RPS6KA2: variants seen among roughly 807,000 people sequenced by gnomAD.
RPS6KA2 encodes the protein ribosomal protein S6 kinase alpha-2.
A neutral mutation model predicts 91.8 loss-of-function variants in RPS6KA2; 42 were observed. The ratio of observed to expected loss-of-function variants is 0.46; its 90% confidence interval spans 0.36 to 0.59. The LOEUF (loss-of-function observed/expected upper bound fraction) is 0.59. Ranked by LOEUF, RPS6KA2 falls within the 20% of genes least tolerant of loss-of-function variation. RPS6KA2 has a pLI of 0.00. For synonymous variants in RPS6KA2, 414 were observed against 393.6 expected, an observed-to-expected ratio of 1.05 and a Z score of -0.61; for missense variants, 798 against 978.5, an observed-to-expected ratio of 0.82 and a Z score of 2.46.
Position 166,490,326 on chromosome 6 carries a change from C to T in RPS6KA2, c.818+345G>A, listed in dbSNP as rs1174799855. Reference sequence around the variant, plus strand: ...CCTTTACTTCTGGGAGGTCACCAACCATCACGCTTGAAAACCAGCCACTAC... The same window carrying T: ...CCTTTACTTCTGGGAGGTCACCAACTATCACGCTTGAAAACCAGCCACTAC... On this transcript the variant is annotated intron_variant, in intron 9 of 20. Coordinates refer to ENST00000265678, the MANE Select transcript of RPS6KA2 (RefSeq NM_021135.6). This position sits in a 1 kb window ranked among gnomAD's most constrained non-coding sequence, Gnocchi z 4.2. 6.6e-6 allele frequency among the ~76,000 whole-genome samples: 1 copy of T among 151,960 alleles called. No individual in the cohort carries two copies.
At chr6:166,454,229 G>A (rs1429393937) in intron 12 of RPS6KA2, among the ~76,000 whole-genome samples, 2 of 152,210 alleles carry the variant, frequency 1.3e-5, no homozygotes, top group Admixed American at 6.5e-5. Context: ...GCTGGGCGCG[G>A]TGGATCACAC....
rs376743221 is a variant in RPS6KA2 at position 166,541,942 on chromosome 6, G to A, written c.100-3158C>T. The stretch of plus-strand genomic sequence containing the variant: ...TTTCAAATCAGTAAGGTTTTTAACC[G>A]CAAAGCATCTGAGGCGTCAATGGAA... On this transcript the variant is annotated intron_variant, in intron 1 of 20. Transcript: ENST00000265678. Among the ~76,000 whole-genome samples the A allele has an allele frequency of 3.2e-4, 48 of 152,164 alleles. No individual in the cohort carries two copies. In the South Asian group the frequency reaches 7.0e-3, roughly 22 times the overall value.
At chr6:166,650,283 C>T (rs1213402455) in intron 2 of RPS6KA2, among the ~76,000 whole-genome samples, 2 of 152,078 alleles carry the variant, frequency 1.3e-5, no homozygotes, top group African/African-American at 4.8e-5. Context: ...AGCCTTTCAT[C>T]ACCACATTCT....
At chr6:166,462,476 T>C (rs1179184447) in intron 11 of RPS6KA2, among the ~76,000 whole-genome samples, 2 of 152,222 alleles carry the variant, frequency 1.3e-5, no homozygotes, top group East Asian at 1.9e-4. Flanking sequence ...GCACTGGTAC[T>C]GCTGTGACCT....
At chr6:166,483,397 C>T (rs990087134) in intron 10 of RPS6KA2, among the ~76,000 whole-genome samples, 5 of 152,216 alleles carry the variant, frequency 3.3e-5, no homozygotes, top group African/African-American at 1.2e-4. Flanking sequence ...GGATCCTGCT[C>T]TCACACATCC....
At chr6:166,761,075 C>A (rs1778155244) in intron 2 of RPS6KA2, among the ~76,000 whole-genome samples, 1 of 152,134 alleles carries the variant, frequency 6.6e-6, no homozygotes, top group Non-Finnish European at 1.5e-5. Flanking sequence ...GCCTTTTATT[C>A]ATTTCTGAGA....
intron 6 of RPS6KA2, among the ~76,000 whole-genome samples, chr6:166,502,700 C>G (rs1782067341): frequency 6.6e-6 from 1 of 152,194 alleles, no homozygotes; most frequent in South Asian, 2.1e-4. Context: ...GGTGACAGGC[C>G]AGGCTCTGCA....
intron 2 of RPS6KA2, among the ~76,000 whole-genome samples, chr6:166,735,267 G>A (rs937697062): frequency 1.3e-5 from 2 of 152,142 alleles, no homozygotes; most frequent in African/African-American, 4.8e-5. Flanking sequence ...CAAACAACGT[G>A]ACACAAAACA....
chr6:166,693,453 G>A (rs1351375482), intron 2 of RPS6KA2, among the ~76,000 whole-genome samples: 5 of 152,164 alleles, frequency 3.3e-5, no homozygotes, highest in Admixed American at 1.3e-4. Context: ...AAAAAGGAGC[G>A]TCTCAGCCGT....
chr6:166,837,526 C>T (rs909444283), intron 2 of RPS6KA2, among the ~76,000 whole-genome samples: 16 of 152,252 alleles, frequency 1.1e-4, no homozygotes, highest in African/African-American at 3.9e-4. Flanking sequence ...GGGCTCCCCG[C>T]TCCTGCCTAG....
At chr6:166,477,634 C>T (rs1032900261) in intron 10 of RPS6KA2, among the ~76,000 whole-genome samples, 2 of 152,208 alleles carry the variant, frequency 1.3e-5, no homozygotes, top group African/African-American at 4.8e-5. Flanking sequence ...GTGACTCTGG[C>T]CAGGCACAGT....
chr6:166,510,587 ATATATATATATATATATATATATG>A, intron 3 of RPS6KA2, among the ~76,000 whole-genome samples: 2 of 48,508 alleles, frequency 4.1e-5, no homozygotes, highest in African/African-American at 1.5e-4. Flanking sequence ...ATATATATAT[ATATATATATATATATATATATATG>A]CATCTCTAGC....
chr6:166,645,082 G>A (rs905584734), intron 2 of RPS6KA2, among the ~76,000 whole-genome samples: 1 of 152,170 alleles, frequency 6.6e-6, no homozygotes, highest in East Asian at 1.9e-4. Context: ...GGGAGGACAA[G>A]TTCCTATTAT....
intron 10 of RPS6KA2, among the ~76,000 whole-genome samples, chr6:166,477,954 C>T (rs1781038742): frequency 6.6e-6 from 1 of 152,212 alleles, no homozygotes; most frequent in African/African-American, 2.4e-5. Flanking sequence ...CAAAGCGCTT[C>T]GATTGCTGCA....
chr6:166,842,837 C>G (rs950863389), intron 2 of RPS6KA2, among the ~76,000 whole-genome samples: 5 of 152,208 alleles, frequency 3.3e-5, no homozygotes, highest in African/African-American at 1.2e-4. Flanking sequence ...GAGAGACCCA[C>G]ATCGTGAACT....
intron 2 of RPS6KA2, among the ~76,000 whole-genome samples, chr6:166,796,676 C>T (rs1779233720): frequency 6.6e-6 from 1 of 152,254 alleles, no homozygotes; most frequent in South Asian, 2.1e-4. Flanking sequence ...CTCCCTTTCC[C>T]TGCTAAGTTG....
In RPS6KA2 at chr6:166,533,746, C is replaced by T. The variant is rs553895340; in HGVS notation, c.217-2433G>A. Among the ~76,000 whole-genome samples the T allele has an allele frequency of 1.1e-4, 17 of 152,142 alleles. No homozygotes were observed. The highest frequency in any genetic ancestry group is 2.4e-4 in the Non-Finnish European group (16 of 68,000). The stretch of plus-strand genomic sequence containing the variant: ...GATGAATCTATCCATTCCATTGCGG[C>T]GAAGCTGACATGTTAGCTCCCAAAA... On this transcript the variant is annotated intron_variant, in intron 2 of 20. Transcript: ENST00000265678. The surrounding 1 kb of genome is among the most constrained non-coding windows in gnomAD (Gnocchi z 4.0).
At chr6:166,431,437 C>T (rs1003071449) in intron 15 of RPS6KA2, among the ~76,000 whole-genome samples, 5 of 152,156 alleles carry the variant, frequency 3.3e-5, no homozygotes, top group African/African-American at 1.2e-4. Flanking sequence ...GTGCTGCTAC[C>T]GCATGGACAG....
chr6:166,549,124 C>A (rs539323681), intron 1 of RPS6KA2, among the ~76,000 whole-genome samples: 2 of 152,288 alleles, frequency 1.3e-5, no homozygotes, highest in African/African-American at 4.8e-5. Context: ...AATAAAGTAT[C>A]AGTACATACC....
Sources: gnomAD v4.1 joint callset for allele counts (sites outside exome capture counted in the v4.1 genomes callset) on GRCh38, gnomAD v4.1.1 for gene constraint, Gnocchi (gnomAD v3.1) non-coding constraint, MANE v1.5 for transcripts, NCBI Gene and HGNC (gene_info 2026-07-23, HGNC 2026-07-21) for gene names.